ERCC8: variants seen among roughly 807,000 people sequenced by gnomAD.
ERCC8 encodes the protein ERCC excision repair 8, CSA ubiquitin ligase complex subunit, also known as DNA excision repair protein ERCC-8.
In ERCC8, 52 loss-of-function variants were observed where a neutral mutation model predicts 54.9. The ratio of observed to expected loss-of-function variants is 0.95; its 90% CI spans 0.76 to 1.19. The LOEUF is 1.19. ERCC8 is among the 50% of genes most tolerant of loss of function. The probability of loss-of-function intolerance (pLI) is 0.00; values close to 1 mark genes in which losing one functional copy is unlikely to be tolerated. For missense variants in ERCC8, 514 were observed against 466.1 expected, an observed-to-expected ratio of 1.10 and a Z score of -0.95; for synonymous variants, 146 against 157.2, an observed-to-expected ratio of 0.93 and a Z score of 0.53.
At position 60,922,101 on chromosome 5, in the gene ERCC8, GGAGTT is replaced by G. The variant is rs2112522943; in HGVS notation, c.223_227del (p.Asn75GlnfsTer9). 6.2e-7 allele frequency: 1 copy of G among 1,610,332 alleles called. No homozygotes were observed. Among genetic ancestry groups the G allele is most frequent in the Non-Finnish European group, 8.5e-7 (1 of 1,177,668 alleles). On this transcript the variant is annotated frameshift_variant, in exon 3 of 12. Transcript: ENST00000676185. LOFTEE classifies it high-confidence loss of function. The stretch of plus-strand genomic sequence containing the variant: ...TACATGTGTAATAAGATTGTCTGCT[GGAGTT>G]CTCAAGGTCATAAAGTACAATCACA...
intron 4 of ERCC8, chr5:60,915,301 G>GA (rs1308888041): frequency 2.6e-5 from 4 of 151,966 alleles, no homozygotes; most frequent in Non-Finnish European, 5.9e-5. Context: ...AAATTATATA[G>GA]AAAAAATTGG....
At position 60,866,463 on chromosome 5, in the gene ERCC8, T is replaced by C. The variant is rs993174670; in HGVS notation, c.*8152A>G. Reference sequence around the variant, plus strand: ...AGTTCTATTGGCTGAGTGATTCTTATATTTCAGAACTTTATTTCATTTATT... The same window carrying C: ...AGTTCTATTGGCTGAGTGATTCTTACATTTCAGAACTTTATTTCATTTATT... On this transcript the variant is annotated 3_prime_UTR_variant, in exon 12 of 12. Coordinates refer to ENST00000676185, the MANE Select transcript of ERCC8 (RefSeq NM_000082.4). The C allele has an allele frequency of 6.6e-6, 1 of 152,202 alleles. No individual in the cohort carries two copies. The highest frequency in any genetic ancestry group is 1.5e-5 in the Non-Finnish European group (1 of 68,020). 9.4% of individuals were successfully genotyped at this position (152,202 alleles called of 1,614,324 possible). A position where few individuals can be genotyped will look rare whatever the true frequency, so the allele number is the denominator to read the frequency against.
intron 11 of ERCC8, among the ~76,000 whole-genome samples, chr5:60,879,147 A>G (rs1748118016): frequency 6.6e-6 from 1 of 152,050 alleles, no homozygotes; most frequent in East Asian, 1.9e-4. Context: ...ATTCAGGAGG[A>G]GGTTGTTCAG....
intron 11 of ERCC8, among the ~76,000 whole-genome samples, chr5:60,881,010 C>G (rs1748200878): frequency 1.3e-5 from 2 of 152,072 alleles, no homozygotes; most frequent in Admixed American, 6.6e-5. Flanking sequence ...TACCTTTGGT[C>G]TTTGATGATG....
chr5:60,933,335 CAGCCACCTG>C (rs1460163836), intron 1 of ERCC8, among the ~76,000 whole-genome samples: 1 of 149,332 alleles, frequency 6.7e-6, no homozygotes, highest in African/African-American at 2.5e-5. Context: ...TCTCCTGCCT[CAGCCACCTG>C]AGTAGCTGGG....
rs138173863 is a variant in ERCC8 at position 60,890,907 on chromosome 5, T to C, written c.1023A>G (p.Val341=). The C allele has an allele frequency of 1.8e-4, 284 of 1,613,194 alleles. No homozygotes were observed. Among genetic ancestry groups the C allele is most frequent in the Non-Finnish European group, 2.0e-4 (238 of 1,179,514 alleles). ...CTCTTACCTGGAAATTTGACTGAAA[T>C]ACACAGCAGTCAACAGTTTTATAAT... The part of the protein sequence containing the change: ...KGHYKTVDCC[V]FQSNFQELYS... The change falls in exon 10 of 12, where the codon GTA becomes GTG. Residue 341 remains valine (V), a synonymous_variant. Coordinates refer to ENST00000676185, the MANE Select transcript of ERCC8 (RefSeq NM_000082.4).
intron 3 of ERCC8, 168 bp from the exon 4 acceptor site, chr5:60,918,556 C>T (rs780454386): frequency 1.6e-6 from 1 of 627,344 alleles, no homozygotes; most frequent in Non-Finnish European, 2.9e-6. Context: ...GTCCAGGCAT[C>T]TCTAGATTCA....
At chr5:60,935,099 G>A (rs1750026426) in intron 1 of ERCC8, among the ~76,000 whole-genome samples, 1 of 152,112 alleles carries the variant, frequency 6.6e-6, no homozygotes, top group Non-Finnish European at 1.5e-5. Flanking sequence ...GATGGAAGTT[G>A]CATTGAATTT....
rs4647164 is a variant in ERCC8, at chr5:60,873,533, C to G, written c.*1082G>C. Among the ~76,000 whole-genome samples the G allele has an allele frequency of 3.3e-5, 5 of 152,116 alleles. No individual in the cohort carries two copies. The highest frequency in any genetic ancestry group is 1.2e-4 in the African/African-American group (5 of 41,510). The stretch of plus-strand genomic sequence containing the variant: ...CTACTGAAAATACAAAAAAATTAAC[C>G]GGGCGCAGTGGCGGGAGCCTGTAAT... On this transcript the variant is annotated 3_prime_UTR_variant, in exon 12 of 12. Transcript: ENST00000676185.
At chr5:60,903,176 G>T (rs908591807) in intron 6 of ERCC8, among the ~76,000 whole-genome samples, 2 of 151,620 alleles carry the variant, frequency 1.3e-5, no homozygotes, top group African/African-American at 2.4e-5. Context: ...TCATTGTTTA[G>T]AATTAGACAA....
chr5:60,866,823 A>C lies in ERCC8; in HGVS notation c.*7792T>G, dbSNP rs1457020807. The C allele has an allele frequency of 6.6e-6, 1 of 151,912 alleles. No homozygotes were observed. The highest frequency in any genetic ancestry group is 1.5e-5 in the Non-Finnish European group (1 of 67,984). 9.4% of individuals were successfully genotyped at this position (151,912 alleles called of 1,614,324 possible). Reference sequence around the variant, plus strand: ...TTTAGAGCAGGAATGAACCTTAATAATTTTCTATTCCAGTTTTCTGTCCCC... The same window carrying C: ...TTTAGAGCAGGAATGAACCTTAATACTTTTCTATTCCAGTTTTCTGTCCCC... On this transcript the variant is annotated 3_prime_UTR_variant, in exon 12 of 12. Transcript: ENST00000676185.
At chr5:60,922,498 T>TA (rs1054254418) in intron 2 of ERCC8, among the ~76,000 whole-genome samples, 34 of 152,080 alleles carry the variant, frequency 2.2e-4, no homozygotes, top group Admixed American at 2.0e-3. Context: ...CTATGCTAAA[T>TA]AAAAAAGGAA....
intron 11 of ERCC8, among the ~76,000 whole-genome samples, chr5:60,875,698 A>T (rs952647294): frequency 4.0e-5 from 6 of 149,936 alleles, no homozygotes; most frequent in African/African-American, 9.7e-5. Context: ...ACTTAGAGAA[A>T]TTTTTTTTTT....
At chr5:60,906,590 G>C (rs1386430291) in intron 4 of ERCC8, among the ~76,000 whole-genome samples, 1 of 151,864 alleles carries the variant, frequency 6.6e-6, no homozygotes, top group African/African-American at 2.4e-5. Context: ...TTAGCTGGGC[G>C]TGGTGGCAGG....
intron 10 of ERCC8, among the ~76,000 whole-genome samples, chr5:60,889,685 C>G (rs1748492163): frequency 6.6e-6 from 1 of 152,094 alleles, no homozygotes; most frequent in South Asian, 2.1e-4. Context: ...GTTAGAGTAC[C>G]TGGGATGAAA....
chr5:60,891,144 A>G, intron 9 of ERCC8, 58 bp from the exon 10 acceptor site: 2 of 1,173,522 alleles, frequency 1.7e-6, no homozygotes, highest in African/African-American at 3.0e-5. Flanking sequence ...AAAACACAAC[A>G]AAGCCTAGGA....
chr5:60,913,298 A>G (rs367700106), intron 4 of ERCC8, among the ~76,000 whole-genome samples: 2 of 151,968 alleles, frequency 1.3e-5, no homozygotes, highest in East Asian at 3.9e-4. Flanking sequence ...CAGAGATTCA[A>G]CTTCTTCCTG....
At position 60,872,082 on chromosome 5, in the gene ERCC8, C is replaced by T. The variant is rs1282179547; in HGVS notation, c.*2533G>A. Reference sequence around the variant, plus strand: ...TCACAAAGTGTTAGGATTACAACCACCGTGCCCGGCCAATAGCTTTTTCAA... The same window carrying T: ...TCACAAAGTGTTAGGATTACAACCATCGTGCCCGGCCAATAGCTTTTTCAA... On this transcript the variant is annotated 3_prime_UTR_variant, in exon 12 of 12. Coordinates refer to ENST00000676185, the MANE Select transcript of ERCC8 (RefSeq NM_000082.4). Among the ~76,000 whole-genome samples the T allele has an allele frequency of 1.3e-5, 2 of 152,156 alleles. No homozygotes were observed. The highest frequency in any genetic ancestry group is 2.9e-5 in the Non-Finnish European group (2 of 68,032).
intron 9 of ERCC8, among the ~76,000 whole-genome samples, chr5:60,896,496 G>A (rs917788021): frequency 6.6e-6 from 1 of 152,028 alleles, no homozygotes; most frequent in Admixed American, 6.6e-5. Context: ...AGGTGTGAGC[G>A]ACCGTGCCTG....
Sources: allele counts gnomAD v4.1 joint callset (sites outside exome capture counted in the v4.1 genomes callset), GRCh38; gene constraint gnomAD v4.1.1; transcripts MANE v1.5; gene names NCBI Gene and HGNC (gene_info 2026-07-23, HGNC 2026-07-21).